Variants in COMMD10 observed in about 807,000 individuals in gnomAD.
The protein encoded by COMMD10 is COMM domain containing 10.
COMMD10 carries 33 observed loss-of-function variants against 28.9 expected under a neutral mutation model. That is an observed-to-expected ratio of 1.14 (90% CI 0.87 to 1.53). The LOEUF is 1.53. Ranked by LOEUF, COMMD10 falls within the 40% of genes most tolerant of loss-of-function variation. The probability of loss-of-function intolerance (pLI) is 0.00; values close to 1 mark genes in which losing one functional copy is unlikely to be tolerated. For synonymous variants in COMMD10, 110 were observed against 81.7 expected, an observed-to-expected ratio of 1.35 and a Z score of -1.87; for missense variants, 310 against 233.4, an observed-to-expected ratio of 1.33 and a Z score of -2.14.
At position 116,291,561 on chromosome 5, in the gene COMMD10, T is replaced by G; in HGVS notation, c.555T>G (p.Phe185Leu). ...TGGAATTCAGTCACAAGGAGTTGTT[T>G]GATTTCTATAACAAGGTCTGTATTT... The part of the protein sequence containing the change: ...VLVEFSHKEL[F>L]DFYNKLETIQ... The change falls in exon 6 of 7, where the codon TTT becomes TTG. Residue 185 changes from phenylalanine to leucine, a missense_variant. Physicochemically the swap from Phe to Leu is conservative, Grantham distance 22 (BLOSUM62 0). Transcript: ENST00000274458. 2 of 1,591,378 alleles carry G rather than the reference T, an allele frequency of 1.3e-6. No individual in the cohort carries two copies. The highest frequency in any genetic ancestry group is 8.6e-7 in the Non-Finnish European group (1 of 1,164,096).
At chr5:116,253,882 C>T (rs1034938508) in intron 5 of COMMD10, among the ~76,000 whole-genome samples, 5 of 150,594 alleles carry the variant, frequency 3.3e-5, no homozygotes, top group African/African-American at 1.2e-4. Flanking sequence ...GTACTAGTTC[C>T]TCCTTGTACC....
chr5:116,119,696 TA>T (rs1751359289), intron 4 of COMMD10, among the ~76,000 whole-genome samples: 1 of 152,048 alleles, frequency 6.6e-6, no homozygotes, highest in Admixed American at 6.6e-5. Context: ...ACTGCAGCCT[TA>T]AACTCCTAGG....
At chr5:116,107,436 A>G (rs910708740) in intron 4 of COMMD10, among the ~76,000 whole-genome samples, 5 of 152,058 alleles carry the variant, frequency 3.3e-5, no homozygotes, top group African/African-American at 1.2e-4. Flanking sequence ...TTGATCTTCA[A>G]TATCTGATAT....
intron 5 of COMMD10, among the ~76,000 whole-genome samples, chr5:116,226,233 G>A (rs1019127430): frequency 2.6e-5 from 4 of 151,850 alleles, no homozygotes; most frequent in Non-Finnish European, 5.9e-5. Context: ...CTGGGGTTTT[G>A]TATGACCACG....
chr5:116,229,939 T>G (rs925413735), intron 5 of COMMD10, among the ~76,000 whole-genome samples: 1 of 151,766 alleles, frequency 6.6e-6, no homozygotes, highest in African/African-American at 2.4e-5. Context: ...AAACACTAGA[T>G]ATATGATTAT....
At chr5:116,160,356 GGCAATGA>G (rs1752876280) in intron 5 of COMMD10, among the ~76,000 whole-genome samples, 1 of 152,062 alleles carries the variant, frequency 6.6e-6, no homozygotes, top group Non-Finnish European at 1.5e-5. Context: ...TCCTGCATTT[GGCAATGA>G]GCTAAATCCA....
chr5:116,161,394 G>C (rs1307352049), intron 5 of COMMD10, among the ~76,000 whole-genome samples: 1 of 151,950 alleles, frequency 6.6e-6, no homozygotes, highest in Non-Finnish European at 1.5e-5. Context: ...TAAGTTGTTG[G>C]GGATAGAGAG....
intron 4 of COMMD10, among the ~76,000 whole-genome samples, chr5:116,133,269 T>G (rs1411387262): frequency 1.3e-5 from 2 of 152,220 alleles, no homozygotes; most frequent in Non-Finnish European, 1.5e-5. Context: ...GGAGGCACCA[T>G]AGAGCTGTGA....
chr5:116,206,550 G>A (rs1278312613), intron 5 of COMMD10, among the ~76,000 whole-genome samples: 1 of 152,102 alleles, frequency 6.6e-6, no homozygotes, highest in Non-Finnish European at 1.5e-5. Flanking sequence ...TACTTGGGAG[G>A]CTGAGGCAGG....
chr5:116,142,475 G>A (rs1752224981), intron 5 of COMMD10, among the ~76,000 whole-genome samples: 1 of 151,468 alleles, frequency 6.6e-6, no homozygotes, highest in Non-Finnish European at 1.5e-5. Flanking sequence ...TAGGTGAAAG[G>A]GTATAAACCA....
At chr5:116,237,466 G>GA (rs1274331131) in intron 5 of COMMD10, among the ~76,000 whole-genome samples, 1 of 120,912 alleles carries the variant, frequency 8.3e-6, no homozygotes, top group African/African-American at 4.0e-5. Flanking sequence ...TCATAAACTT[G>GA]AAAAAAAATA....
At chr5:116,195,606 G>A (rs113151581) in intron 5 of COMMD10, among the ~76,000 whole-genome samples, 53 of 151,946 alleles carry the variant, frequency 3.5e-4, no homozygotes, top group African/African-American at 1.3e-3. Context: ...ACTAACTGAG[G>A]AGTCAAAGAC....
chr5:116,196,915 T>A (rs1366383365), intron 5 of COMMD10, among the ~76,000 whole-genome samples: 1 of 152,148 alleles, frequency 6.6e-6, no homozygotes, highest in Non-Finnish European at 1.5e-5. Context: ...GATGTATGAT[T>A]TACTAAATTA....
intron 5 of COMMD10, among the ~76,000 whole-genome samples, chr5:116,273,455 C>G (rs1231767991): frequency 6.6e-6 from 1 of 151,700 alleles, no homozygotes; most frequent in East Asian, 1.9e-4. Context: ...TGTTCCAGTC[C>G]TATAAAACAA....
intron 5 of COMMD10, among the ~76,000 whole-genome samples, chr5:116,151,373 T>A (rs1408595038): frequency 1.3e-5 from 2 of 152,118 alleles, no homozygotes; most frequent in East Asian, 3.8e-4. Context: ...GCTGGCCTCA[T>A]AAAATGAGTT....
intron 6 of COMMD10, 148 bp from the exon 7 acceptor site, chr5:116,292,303 T>C: frequency 2.3e-6 from 1 of 433,448 alleles, no homozygotes; most frequent in Non-Finnish European, 4.0e-6. Flanking sequence ...ATATTCTAAG[T>C]GGTAATTTTA....
chr5:116,245,018 T>C (rs1278843241), intron 5 of COMMD10, among the ~76,000 whole-genome samples: 1 of 145,110 alleles, frequency 6.9e-6, no homozygotes, highest in Non-Finnish European at 1.5e-5. Context: ...ATAAGAAAAA[T>C]CATTCAAAAC....
chr5:116,116,074 T>C (rs1474483880), intron 4 of COMMD10, among the ~76,000 whole-genome samples: 2 of 152,154 alleles, frequency 1.3e-5, no homozygotes, highest in African/African-American at 4.8e-5. Context: ...ATATAAACTA[T>C]TATATAGTGA....
chr5:116,269,297 C>G lies in COMMD10; in HGVS notation c.511-22220C>G, dbSNP rs145620446. Among the ~76,000 whole-genome samples, 1,399 of 151,748 alleles carry G rather than the reference C, an allele frequency of 9.2e-3. 18 individuals carry two copies. The highest frequency in any genetic ancestry group is 0.048 in the Middle Eastern group (14 of 294). ...TATTTCTAGAGGAAAGATTTTCTCC[C>G]AAGCCTTTAAGGGGAAAGCTAATCC... is the stretch of plus-strand genomic sequence containing the variant. On this transcript the variant is annotated intron_variant, in intron 5 of 6. Transcript: ENST00000274458.
Sources: allele counts gnomAD v4.1 joint callset (sites outside exome capture counted in the v4.1 genomes callset), GRCh38; gene constraint gnomAD v4.1.1; transcripts MANE v1.5; gene names NCBI Gene and HGNC (gene_info 2026-07-23, HGNC 2026-07-21).